Variants in SCFD2 observed in about 807,000 individuals in gnomAD.
The protein encoded by SCFD2 is sec1 family domain-containing protein 2.
SCFD2 carries 54 observed loss-of-function variants against 58.9 expected under a neutral mutation model. That is an observed-to-expected ratio of 0.92 (90% confidence interval 0.74 to 1.15). The LOEUF (loss-of-function observed/expected upper bound fraction) is 1.15. Among genes scored for constraint, SCFD2 ranks in the 50% most tolerant of loss-of-function variants. The probability of loss-of-function intolerance (pLI) is 0.00; values close to 1 mark genes in which losing one functional copy is unlikely to be tolerated. For synonymous variants in SCFD2, 321 were observed against 335.9 expected (o/e 0.96, Z 0.49); for missense variants, 805 against 836.6 (o/e 0.96, Z 0.47).
At chr4:52,901,043 C>T (rs1719184857) in intron 7 of SCFD2, among the ~76,000 whole-genome samples, 1 of 152,226 alleles carries the variant, frequency 6.6e-6, no homozygotes, top group Non-Finnish European at 1.5e-5. Flanking sequence ...CTGTCTGTCA[C>T]CCCTTTCTTT....
intron 5 of SCFD2, among the ~76,000 whole-genome samples, chr4:53,074,255 T>G (rs1266318249): frequency 6.6e-6 from 1 of 152,210 alleles, no homozygotes; most frequent in Non-Finnish European, 1.5e-5. Flanking sequence ...TGTTCAAGTT[T>G]TATGGAATTT....
intron 5 of SCFD2, among the ~76,000 whole-genome samples, chr4:52,922,617 G>A (rs1327649248): frequency 6.6e-6 from 1 of 152,162 alleles, no homozygotes; most frequent in Non-Finnish European, 1.5e-5. Context: ...ATCGGTTAAT[G>A]GACATTTGGG....
intron 4 of SCFD2, among the ~76,000 whole-genome samples, chr4:53,250,244 G>T (rs542954403): frequency 1.2e-3 from 189 of 152,264 alleles, no homozygotes; most frequent in African/African-American, 4.3e-3. Context: ...GCAACAAGAA[G>T]AACTAACTAT....
At chr4:53,222,757 T>C (rs931037512) in intron 4 of SCFD2, among the ~76,000 whole-genome samples, 2 of 152,206 alleles carry the variant, frequency 1.3e-5, no homozygotes, top group African/African-American at 2.4e-5. Context: ...CTGCAAATAA[T>C]ATGCCAGAAG....
chr4:52,906,884 T>C (rs1719360346), intron 7 of SCFD2, among the ~76,000 whole-genome samples: 1 of 152,212 alleles, frequency 6.6e-6, no homozygotes. Flanking sequence ...AGGTTAAAAA[T>C]AGATCACATT....
chr4:53,266,140 C>G (rs1730978222), intron 4 of SCFD2, among the ~76,000 whole-genome samples: 1 of 152,148 alleles, frequency 6.6e-6, no homozygotes, highest in South Asian at 2.1e-4. Flanking sequence ...AAGAGAAATA[C>G]TGTCTAACAT....
intron 5 of SCFD2, among the ~76,000 whole-genome samples, chr4:52,980,982 C>T (rs1184678500): frequency 1.3e-5 from 2 of 152,114 alleles, no homozygotes; most frequent in South Asian, 2.1e-4. Context: ...CAGCAAAATG[C>T]ACAGAACTGG....
chr4:53,094,592 G>T (rs1238623022), intron 5 of SCFD2, among the ~76,000 whole-genome samples: 1 of 151,920 alleles, frequency 6.6e-6, no homozygotes, highest in Admixed American at 6.6e-5. Flanking sequence ...AACATCAGGA[G>T]GATCACAATT....
chr4:53,321,551 A>G (rs1242812936), intron 2 of SCFD2, among the ~76,000 whole-genome samples: 1 of 152,216 alleles, frequency 6.6e-6, no homozygotes, highest in East Asian at 1.9e-4. Flanking sequence ...GTATTCCAAC[A>G]GAAATCCAAT....
intron 4 of SCFD2, among the ~76,000 whole-genome samples, chr4:53,173,257 A>G (rs1727232003): frequency 6.6e-6 from 1 of 152,162 alleles, no homozygotes; most frequent in African/African-American, 2.4e-5. Context: ...TTTGACTTAA[A>G]ATATTTTCAA....
At chr4:52,990,994 C>G (rs1453199883) in intron 5 of SCFD2, among the ~76,000 whole-genome samples, 1 of 152,042 alleles carries the variant, frequency 6.6e-6, no homozygotes, top group Non-Finnish European at 1.5e-5. Context: ...TGAGGCAGGC[C>G]CTTCAGTGTG....
intron 5 of SCFD2, among the ~76,000 whole-genome samples, chr4:53,055,747 G>A (rs970392709): frequency 3.4e-4 from 52 of 152,158 alleles, no homozygotes; most frequent in African/African-American, 1.0e-3. Flanking sequence ...TAGAGTAAAC[G>A]CCCTGGCACA....
At chr4:53,244,826 A>AT (rs1430441798) in intron 4 of SCFD2, among the ~76,000 whole-genome samples, 17 of 144,286 alleles carry the variant, frequency 1.2e-4, no homozygotes, top group Non-Finnish European at 2.3e-4. Context: ...TTCTGAAAAA[A>AT]AAAAATAATA....
intron 3 of SCFD2, among the ~76,000 whole-genome samples, chr4:53,280,139 A>C (rs1470242644): frequency 6.6e-6 from 1 of 152,222 alleles, no homozygotes; most frequent in African/African-American, 2.4e-5. Context: ...GGCACTTTTA[A>C]AGATTATTCT....
chr4:53,117,588 C>T (rs553382610), intron 5 of SCFD2, among the ~76,000 whole-genome samples: 1 of 152,294 alleles, frequency 6.6e-6, no homozygotes, highest in Admixed American at 6.5e-5. Context: ...CACCTCCTTC[C>T]CATCCCACCA....
At chr4:53,153,737 A>AT (rs999929113) in intron 4 of SCFD2, among the ~76,000 whole-genome samples, 2 of 152,106 alleles carry the variant, frequency 1.3e-5, no homozygotes, top group African/African-American at 2.4e-5. Context: ...ACTTTTCCAA[A>AT]TTTTTATGCT....
Position 52,919,030 on chromosome 4 carries a change from G to A in SCFD2, c.1707+1695C>T, listed in dbSNP as rs1485302274. Reference sequence around the variant, plus strand: ...GACTATTGTAAGGGGGGACATATGCGACAAAGGGAAACTCCATTTTCCAAA... The same window carrying A: ...GACTATTGTAAGGGGGGACATATGCAACAAAGGGAAACTCCATTTTCCAAA... On this transcript the variant is annotated intron_variant, in intron 6 of 8. Coordinates refer to ENST00000401642, the MANE Select transcript of SCFD2 (RefSeq NM_152540.4). 3.9e-5 allele frequency among the ~76,000 whole-genome samples: 6 copies of A among 152,168 alleles called. No individual in the cohort carries two copies. The South Asian group carries it at 6.2e-4, about 16-fold the overall frequency.
intron 5 of SCFD2, among the ~76,000 whole-genome samples, chr4:52,975,049 C>T (rs1372974945): frequency 6.6e-6 from 1 of 152,126 alleles, no homozygotes; most frequent in African/African-American, 2.4e-5. Flanking sequence ...AAATGTTAGA[C>T]CTAAAACCAT....
intron 5 of SCFD2, among the ~76,000 whole-genome samples, chr4:53,138,881 G>A (rs1402002310): frequency 2.2e-5 from 2 of 92,704 alleles, no homozygotes; most frequent in African/African-American, 4.2e-5. Context: ...CCTCCCTCTC[G>A]TCTCCGTCTC....
Sources: gnomAD v4.1 joint callset for allele counts (sites outside exome capture counted in the v4.1 genomes callset) on GRCh38, gnomAD v4.1.1 for gene constraint, MANE v1.5 for transcripts, NCBI Gene and HGNC (gene_info 2026-07-23, HGNC 2026-07-21) for gene names.